TAX1BP1: variants seen among roughly 807,000 people sequenced by gnomAD.
TAX1BP1 encodes Tax1 binding protein 1.
A neutral mutation model predicts 97.7 loss-of-function variants in TAX1BP1; 62 were observed. That is an observed-to-expected ratio of 0.63 (90% CI 0.52 to 0.78). The LOEUF is 0.78. Among genes scored for constraint, TAX1BP1 ranks in the 30% least tolerant of loss-of-function variants. The pLI, the probability that TAX1BP1 is intolerant of heterozygous loss-of-function variation, is 0.00. For missense variants in TAX1BP1, 867 were observed against 916.1 expected, an observed-to-expected ratio of 0.95 and a Z score of 0.69; for synonymous variants, 340 against 304.2, an observed-to-expected ratio of 1.12 and a Z score of -1.23.
At position 27,794,354 on chromosome 7, in the gene TAX1BP1, C is replaced by T. The variant is rs775012539; in HGVS notation, c.1442C>T (p.Thr481Met). ...ANNNNVFTKK[T>M]GNQQKVNDAS... Reference sequence around the variant, plus strand: ...AATAATAATGTCTTCACAAAGAAAACGGGGAATCAGCAGAAAGTGAATGAT... The same window carrying T: ...AATAATAATGTCTTCACAAAGAAAATGGGGAATCAGCAGAAAGTGAATGAT... Residue 481 changes from threonine to methionine, a missense_variant, in exon 11 of 17, where the codon ACG becomes ATG. By Grantham distance (81) the Thr-to-Met change is moderately conservative. Around this residue, in one of 3 missense-constraint regions of TAX1BP1, gnomAD observed 822 missense variants for 851.4 expected, o/e 0.97. Coordinates refer to ENST00000396319, the MANE Select transcript of TAX1BP1 (RefSeq NM_006024.7). The T allele has an allele frequency of 3.7e-5, 59 of 1,611,938 alleles. No homozygotes were observed. Among genetic ancestry groups the T allele is most frequent in the Admixed American group, 3.0e-4 (18 of 59,812 alleles).
chr7:27,744,964 A>G (rs567340102), intron 1 of TAX1BP1, among the ~76,000 whole-genome samples: 1 of 152,342 alleles, frequency 6.6e-6, no homozygotes, highest in East Asian at 1.9e-4. Flanking sequence ...GGGGAAGTGT[A>G]GTAGGAAACC....
intron 2 of TAX1BP1, among the ~76,000 whole-genome samples, chr7:27,755,462 A>G (rs57932688): frequency 0.23 from 34,431 of 151,658 alleles, 5,010 homozygotes; most frequent in East Asian, 0.52. Context: ...CTTTTTCTCA[A>G]TGTTTCTCCA....
chr7:27,748,003 G>C (rs529458040), intron 1 of TAX1BP1, among the ~76,000 whole-genome samples: 4 of 152,276 alleles, frequency 2.6e-5, no homozygotes, highest in African/African-American at 9.6e-5. Context: ...CCAAAACCTA[G>C]GGAGAGGGGA....
chr7:27,759,655 A>G (rs1305961145), intron 3 of TAX1BP1, among the ~76,000 whole-genome samples: 1 of 151,896 alleles, frequency 6.6e-6, no homozygotes, highest in Non-Finnish European at 1.5e-5. Context: ...AATAATTAAG[A>G]CTTTTTCCTC....
intron 8 of TAX1BP1, among the ~76,000 whole-genome samples, chr7:27,789,686 T>G (rs1227457796): frequency 6.6e-6 from 1 of 151,204 alleles, no homozygotes; most frequent in East Asian, 1.9e-4. Flanking sequence ...TTATATAGAT[T>G]TACCTTGATT....
Position 27,799,973 on chromosome 7 carries a change from A to G in TAX1BP1, c.1647A>G (p.Lys549=). The G allele has an allele frequency of 6.3e-7, 1 of 1,593,598 alleles. No individual in the cohort carries two copies. The change falls in exon 13 of 17, where the codon AAA becomes AAG. Residue 549 remains lysine, a synonymous_variant. Transcript: ENST00000396319. Reference sequence around the variant, plus strand: ...ATACTAATTTCATTTAGGATGAGAAAGCAAAATGCAATAAATATGCTGATG... The same window carrying G: ...ATACTAATTTCATTTAGGATGAGAAGGCAAAATGCAATAAATATGCTGATG... The part of the protein sequence containing the change: ...NKCKQLLQDE[K]AKCNKYADEL...
At chr7:27,807,918 T>C (rs1790403777) in intron 13 of TAX1BP1, among the ~76,000 whole-genome samples, 1 of 152,218 alleles carries the variant, frequency 6.6e-6, no homozygotes, top group Admixed American at 6.5e-5. Flanking sequence ...ATAATCATTT[T>C]GATACTCAGA....
intron 7 of TAX1BP1, among the ~76,000 whole-genome samples, chr7:27,786,355 G>C (rs968471402): frequency 6.6e-6 from 1 of 151,978 alleles, no homozygotes; most frequent in East Asian, 1.9e-4. Context: ...GGATGGTCTC[G>C]ATCTCCTGAC....
At chr7:27,804,819 T>C (rs2128321550) in intron 13 of TAX1BP1, among the ~76,000 whole-genome samples, 1 of 152,348 alleles carries the variant, frequency 6.6e-6, no homozygotes, top group East Asian at 1.9e-4. Flanking sequence ...CACTACTATA[T>C]TCTGAAAACC....
At chr7:27,771,051 A>G (rs1312629709) in intron 5 of TAX1BP1, among the ~76,000 whole-genome samples, 1 of 149,428 alleles carries the variant, frequency 6.7e-6, no homozygotes, top group Non-Finnish European at 1.5e-5. Flanking sequence ...AAAATATAGT[A>G]AAATCTCATA....
Position 27,787,498 on chromosome 7 carries a change from A to G in TAX1BP1, c.933A>G (p.Lys311=). The change falls in exon 8 of 17, where the codon AAA becomes AAG. Residue 311 remains lysine, a synonymous_variant. Coordinates refer to ENST00000396319, the MANE Select transcript of TAX1BP1 (RefSeq NM_006024.7). ...VQTLKNLDGN[K]ESVITHFKEE... ...CTTTAAAAAATTTAGATGGGAACAA[A>G]GAAAGCGTGATTACTCATTTCAAAG... is the stretch of plus-strand genomic sequence containing the variant. 1 of 1,613,804 alleles carries G rather than the reference A, an allele frequency of 6.2e-7. No homozygotes were observed. Among genetic ancestry groups the G allele is most frequent in the Non-Finnish European group, 8.5e-7 (1 of 1,179,796 alleles).
At chr7:27,812,700 GT>G (rs1237100572) in intron 13 of TAX1BP1, among the ~76,000 whole-genome samples, 3 of 152,122 alleles carry the variant, frequency 2.0e-5, no homozygotes, top group African/African-American at 7.2e-5. Flanking sequence ...TAAGTACCCA[GT>G]TTTTAAAGAT....
intron 5 of TAX1BP1, among the ~76,000 whole-genome samples, chr7:27,781,863 T>C (rs1024259660): frequency 6.6e-6 from 1 of 151,790 alleles, no homozygotes; most frequent in Admixed American, 6.6e-5. Flanking sequence ...GGATTACAGG[T>C]GCACGCCACC....
rs745699082 is a variant in TAX1BP1, at chr7:27,748,672, G to C, written c.148G>C (p.Val50Leu). Residue 50 changes from valine (V) to leucine (L), a missense_variant, in exon 2 of 17, where the codon GTT becomes CTT. Val to Leu is a conservative substitution (Grantham distance 32). This residue lies in a region of TAX1BP1 where 822 missense variants were observed against 851.4 expected (regional missense o/e 0.97). Transcript: ENST00000396319. ...PYIHPHPKDW[V>L]GIFKVGWSTA... ...TATTCATCCACATCCAAAAGATTGGGTTGGTATATTCAAGGTAAGAAAGCT... is the reference window on the plus strand; with the variant it reads ...TATTCATCCACATCCAAAAGATTGGCTTGGTATATTCAAGGTAAGAAAGCT... 1 of 1,547,522 alleles carries C rather than the reference G, an allele frequency of 6.5e-7. No homozygotes were observed. The highest frequency in any genetic ancestry group is 1.8e-5 in the Admixed American group (1 of 55,386).
chr7:27,775,239 A>C (rs965437606), intron 5 of TAX1BP1, among the ~76,000 whole-genome samples: 2 of 152,176 alleles, frequency 1.3e-5, no homozygotes, highest in African/African-American at 4.8e-5. Context: ...TGTGGGAAAA[A>C]ATCAGCATAT....
At chr7:27,811,739 C>A (rs1001442662) in intron 13 of TAX1BP1, among the ~76,000 whole-genome samples, 5 of 152,074 alleles carry the variant, frequency 3.3e-5, no homozygotes, top group African/African-American at 1.2e-4. Flanking sequence ...CACAAAGTTC[C>A]CTCTTGCTCA....
chr7:27,827,235 C>T (rs866185581), intron 15 of TAX1BP1, among the ~76,000 whole-genome samples: 1 of 152,054 alleles, frequency 6.6e-6, no homozygotes, highest in African/African-American at 2.4e-5. Context: ...CACCTATAAT[C>T]CCAGCTACTC....
intron 11 of TAX1BP1, among the ~76,000 whole-genome samples, chr7:27,795,508 A>C (rs1261308030): frequency 6.6e-6 from 1 of 152,092 alleles, no homozygotes; most frequent in Non-Finnish European, 1.5e-5. Flanking sequence ...CAGTTATATA[A>C]GGAGAACAAT....
chr7:27,810,854 G>C (rs796795127), intron 13 of TAX1BP1, among the ~76,000 whole-genome samples: 1 of 151,952 alleles, frequency 6.6e-6, no homozygotes, highest in Admixed American at 6.6e-5. Context: ...CATATGTTCT[G>C]TATCTTTTTA....
Sources: gnomAD v4.1 joint callset for allele counts (sites outside exome capture counted in the v4.1 genomes callset) on GRCh38, gnomAD v4.1.1 for gene constraint, gnomAD v4.1.1 regional missense constraint, MANE v1.5 for transcripts, NCBI Gene and HGNC (gene_info 2026-07-23, HGNC 2026-07-21) for gene names.